ZNF536: variants seen among roughly 807,000 people sequenced by gnomAD.
ZNF536 encodes the protein zinc finger protein 536.
ZNF536 carries 13 observed loss-of-function variants against 84.5 expected under a neutral mutation model. That is an observed-to-expected ratio of 0.15 (90% CI 0.10 to 0.24). The LOEUF (loss-of-function observed/expected upper bound fraction) is 0.24, where lower values mean the gene tolerates loss of function less well. ZNF536 is among the 10% of genes least tolerant of loss of function. ZNF536 has a pLI of 1.00. For missense variants in ZNF536, 1,536 were observed against 1,747.5 expected (o/e 0.88, Z 2.16); for synonymous variants, 811 against 742.5 (o/e 1.09, Z -1.50).
chr19:30,651,348 G>A (rs994159615), intron 1 of ZNF536, among the ~76,000 whole-genome samples: 5 of 152,132 alleles, frequency 3.3e-5, no homozygotes, highest in East Asian at 3.9e-4. Context: ...AAGATTTGAC[G>A]TTACTTCTCT....
At chr19:30,552,091 G>A (rs2045807037) in intron 4 of ZNF536, among the ~76,000 whole-genome samples, 1 of 152,058 alleles carries the variant, frequency 6.6e-6, no homozygotes, top group Admixed American at 6.5e-5. Context: ...AGAAGCACAA[G>A]TGACATTTGT....
chr19:30,539,831 C>T (rs1056869681), intron 3 of ZNF536, among the ~76,000 whole-genome samples: 7 of 152,280 alleles, frequency 4.6e-5, no homozygotes, highest in South Asian at 4.1e-4. Flanking sequence ...TGCGTGGCTG[C>T]GGGACTCCTG....
chr19:30,491,277 C>A (rs1197639902), intron 2 of ZNF536, among the ~76,000 whole-genome samples: 8 of 152,116 alleles, frequency 5.3e-5, no homozygotes, highest in Non-Finnish European at 1.5e-5. Flanking sequence ...CCTTTCACAG[C>A]ACAAGGTGAA....
intron 1 of ZNF536, among the ~76,000 whole-genome samples, chr19:30,641,900 G>A (rs1194931541): frequency 6.6e-6 from 1 of 152,118 alleles, no homozygotes. Context: ...GGGGTTGGTT[G>A]TGGATGGAAA....
intron 2 of ZNF536, among the ~76,000 whole-genome samples, chr19:30,322,786 C>G (rs2046899985): frequency 6.6e-6 from 1 of 152,120 alleles, no homozygotes; most frequent in Non-Finnish European, 1.5e-5. Context: ...GCCCCTTACT[C>G]TCACTCCTAG....
chr19:30,342,244 G>A (rs1022895500), intron 2 of ZNF536, among the ~76,000 whole-genome samples: 8 of 152,236 alleles, frequency 5.3e-5, no homozygotes, highest in African/African-American at 1.7e-4. Context: ...GTTTGCTTTC[G>A]ACACACAGTG....
At chr19:30,687,793 C>A (rs2051247812) in intron 1 of ZNF536, among the ~76,000 whole-genome samples, 1 of 152,012 alleles carries the variant, frequency 6.6e-6, no homozygotes, top group South Asian at 2.1e-4. Flanking sequence ...ATATTTATGT[C>A]TATTTTATAG....
chr19:30,453,010 T>C (rs1218183369), intron 2 of ZNF536, among the ~76,000 whole-genome samples: 1 of 151,954 alleles, frequency 6.6e-6, no homozygotes, highest in African/African-American at 2.4e-5. Flanking sequence ...GGGGGGACTC[T>C]GATCTCCCCA....
In ZNF536 at chr19:30,645,986, C is replaced by T. The variant is rs113636495; in HGVS notation, c.170-64771C>T. 4.9e-3 allele frequency among the ~76,000 whole-genome samples: 744 copies of T among 152,268 alleles called. 4 individuals are homozygous for T. The highest frequency in any genetic ancestry group is 0.017 in the African/African-American group (714 of 41,550). On this transcript the variant is annotated intron_variant, in intron 1 of 1. Transcript: ENST00000592773. ...AAGCTTTGGGTTGGAGCCCTGAGGA[C>T]AGCAGGTCTCAGATCTAGTCACCGT...
intron 1 of ZNF536, among the ~76,000 whole-genome samples, chr19:30,409,836 T>C (rs1475620492): frequency 6.6e-6 from 1 of 152,240 alleles, no homozygotes; most frequent in Admixed American, 6.5e-5. Flanking sequence ...AATATGTATG[T>C]ATATCTATAT....
intron 1 of ZNF536, among the ~76,000 whole-genome samples, chr19:30,686,081 C>A (rs2051167490): frequency 6.6e-6 from 1 of 152,198 alleles, no homozygotes; most frequent in Non-Finnish European, 1.5e-5. Flanking sequence ...TGCACAACTT[C>A]TTTGCCCCTT....
intron 2 of ZNF536, among the ~76,000 whole-genome samples, chr19:30,306,124 CT>C (rs888885129): frequency 2.0e-5 from 3 of 149,848 alleles, no homozygotes; most frequent in Non-Finnish European, 4.4e-5. Flanking sequence ...TTCTACACTC[CT>C]TTTTTTTTCA....
intron 2 of ZNF536, among the ~76,000 whole-genome samples, chr19:30,329,214 C>A (rs1205094261): frequency 1.3e-5 from 2 of 152,188 alleles, no homozygotes; most frequent in Admixed American, 1.3e-4. Flanking sequence ...CAGAACAGAG[C>A]CTTTATTGAG....
chr19:30,632,051 C>T (rs556960540), intron 1 of ZNF536, among the ~76,000 whole-genome samples: 35 of 152,310 alleles, frequency 2.3e-4, no homozygotes, highest in African/African-American at 7.0e-4. Flanking sequence ...TTACATTTAG[C>T]GTTCTTCTCC....
At chr19:30,274,309 A>C (rs1314695867) in intron 1 of ZNF536, among the ~76,000 whole-genome samples, 1 of 152,248 alleles carries the variant, frequency 6.6e-6, no homozygotes, top group Admixed American at 6.5e-5. Flanking sequence ...TGCACTGCAC[A>C]ATAGAAATAT....
chr19:30,703,990 C>T (rs1270946057), intron 1 of ZNF536, among the ~76,000 whole-genome samples: 1 of 152,154 alleles, frequency 6.6e-6, no homozygotes, highest in Non-Finnish European at 1.5e-5. Flanking sequence ...AACCCAAGCT[C>T]CTCAGTCCAC....
intron 1 of ZNF536, among the ~76,000 whole-genome samples, chr19:30,264,722 A>G (rs1457899504): frequency 6.6e-6 from 1 of 152,036 alleles, no homozygotes; most frequent in Non-Finnish European, 1.5e-5. Flanking sequence ...AAGAGTCGCT[A>G]TTGTCACTGT....
chr19:30,569,219 A>T (rs1488943190), intron 1 of ZNF536, among the ~76,000 whole-genome samples: 2 of 152,186 alleles, frequency 1.3e-5, no homozygotes, highest in African/African-American at 2.4e-5. Flanking sequence ...GTGTTGAGGT[A>T]TATATCACGT....
chr19:30,604,674 A>G (rs2047806551), intron 1 of ZNF536, among the ~76,000 whole-genome samples: 1 of 152,232 alleles, frequency 6.6e-6, no homozygotes, highest in Non-Finnish European at 1.5e-5. Flanking sequence ...TTCTTGGTCA[A>G]TAAAACTTGT....
Sources: allele counts gnomAD v4.1 joint callset (sites outside exome capture counted in the v4.1 genomes callset), GRCh38; gene constraint gnomAD v4.1.1; transcripts MANE v1.5; gene names NCBI Gene and HGNC (gene_info 2026-07-23, HGNC 2026-07-21).